VOPP1: variants seen among roughly 807,000 people sequenced by gnomAD.
VOPP1 encodes the protein VOPP1 WW domain binding protein.
In VOPP1, 8 loss-of-function variants were observed where a neutral mutation model predicts 23.5. The observed-to-expected ratio is 0.34, with a 90% CI of 0.20 to 0.61. The LOEUF (loss-of-function observed/expected upper bound fraction) is 0.61. Ranked by LOEUF, VOPP1 falls within the 20% of genes least tolerant of loss-of-function variation. VOPP1 has a pLI of 0.78. For synonymous variants in VOPP1, 83 were observed against 97.3 expected (o/e 0.85, Z 0.86); for missense variants, 174 against 238.1 (o/e 0.73, Z 1.77).
At position 55,517,781 on chromosome 7, in the gene VOPP1, T is replaced by C. The variant is rs540844309; in HGVS notation, c.113+3291A>G. Among the ~76,000 whole-genome samples, 5 of 152,144 alleles carry C rather than the reference T, an allele frequency of 3.3e-5. No homozygotes were observed. In the East Asian group the frequency reaches 7.7e-4, roughly 23 times the overall value. ...GAGCAAGACTGGATGGAGTAGAATATAGCTAAGCAATTTCTACTCATTCCC... is the reference window on the plus strand; with the variant it reads ...GAGCAAGACTGGATGGAGTAGAATACAGCTAAGCAATTTCTACTCATTCCC... On this transcript the variant is annotated intron_variant, in intron 2 of 4. Transcript: ENST00000285279.
intron 2 of VOPP1, among the ~76,000 whole-genome samples, chr7:55,501,919 A>G (rs925690523): frequency 6.6e-6 from 1 of 152,196 alleles, no homozygotes; most frequent in Non-Finnish European, 1.5e-5. Context: ...AACAGCTCTT[A>G]TATCTGTGCT....
In VOPP1 at chr7:55,472,776, C is replaced by T; in HGVS notation, c.*79G>A. On this transcript the variant is annotated 3_prime_UTR_variant, in exon 5 of 5. Transcript: ENST00000285279. ...CCCTTAGCAGCCCACGAGACCGTTC[C>T]TGGAAGTGAACATCAACGAAGACAG... is the stretch of plus-strand genomic sequence containing the variant. 1 of 699,466 alleles carries T rather than the reference C, an allele frequency of 1.4e-6. No homozygotes were observed. Among genetic ancestry groups the T allele is most frequent in the East Asian group, 3.5e-5 (1 of 28,866 alleles). The allele number at this position is 699,466 out of a possible 1,614,324, so 43.3% of individuals were successfully genotyped here.
At chr7:55,473,370 C>T (rs912847444) in intron 4 of VOPP1, among the ~76,000 whole-genome samples, 1 of 152,192 alleles carries the variant, frequency 6.6e-6, no homozygotes, top group African/African-American at 2.4e-5. Context: ...ACCCAGGCTT[C>T]GCGACTCAGC....
chr7:55,485,791 C>T (rs972239106), intron 4 of VOPP1, among the ~76,000 whole-genome samples: 2 of 152,260 alleles, frequency 1.3e-5, no homozygotes, highest in African/African-American at 4.8e-5. Flanking sequence ...GACCTCATTG[C>T]AACAAGGGAC....
chr7:55,543,750 T>C (rs1797242802), intron 1 of VOPP1, among the ~76,000 whole-genome samples: 1 of 152,120 alleles, frequency 6.6e-6, no homozygotes, highest in African/African-American at 2.4e-5. Flanking sequence ...CATTTTTAAA[T>C]CAGATTATTT....
intron 2 of VOPP1, among the ~76,000 whole-genome samples, chr7:55,520,185 AT>A (rs1482650667): frequency 3.9e-5 from 6 of 152,214 alleles, no homozygotes; most frequent in Non-Finnish European, 5.9e-5. Flanking sequence ...GATTAAAAAA[AT>A]AACGCGTTTT....
chr7:55,525,155 C>T (rs1796095175), intron 1 of VOPP1, among the ~76,000 whole-genome samples: 1 of 152,136 alleles, frequency 6.6e-6, no homozygotes, highest in Non-Finnish European at 1.5e-5. Context: ...CTGCCAGCCA[C>T]ACCGCCAGCC....
chr7:55,550,335 C>A (rs1163284065), intron 1 of VOPP1, among the ~76,000 whole-genome samples: 1 of 152,148 alleles, frequency 6.6e-6, no homozygotes, highest in Non-Finnish European at 1.5e-5. Context: ...TAAATAAGGG[C>A]GAAGATCCAA....
rs1019974524 is a variant in VOPP1 at position 55,521,558 on chromosome 7, G to A, written c.55-428C>T. ...TCTAGAGCTGTATATTTCAGAATAT[G>A]CTAAAGCCGCATTCCGACCTACGTC... On this transcript the variant is annotated intron_variant, in intron 1 of 4. Coordinates refer to ENST00000285279, the MANE Select transcript of VOPP1 (RefSeq NM_030796.5). 5 of 992,848 alleles carry A rather than the reference G, an allele frequency of 5.0e-6. No individual in the cohort carries two copies. In the African/African-American group the frequency reaches 8.7e-5, roughly 17 times the overall value. 61.5% of individuals were successfully genotyped at this position (992,848 alleles called of 1,614,324 possible).
At chr7:55,441,524 T>C (rs890793911) in intron 4 of VOPP1, among the ~76,000 whole-genome samples, 1 of 152,194 alleles carries the variant, frequency 6.6e-6, no homozygotes, top group Non-Finnish European at 1.5e-5. Context: ...AATACTGCCT[T>C]ATGGGGTTAT....
chr7:55,526,988 T>C (rs1796229755), intron 1 of VOPP1: 1 of 152,066 alleles, frequency 6.6e-6, no homozygotes, highest in Non-Finnish European at 1.5e-5. Context: ...CCAATTAGAG[T>C]GGGCTCGTTA....
In VOPP1 at chr7:55,442,899, G is replaced by A. The variant is rs547641545; in HGVS notation, n.418-6725C>T. Among the ~76,000 whole-genome samples the A allele has an allele frequency of 4.6e-5, 7 of 151,570 alleles. No homozygotes were observed. In the South Asian group the frequency reaches 1.0e-3, roughly 23 times the overall value. On this transcript the variant is annotated intron_variant and non_coding_transcript_variant, in intron 4 of 4. Transcript: ENST00000462326. Reference sequence around the variant, plus strand: ...TGGGAGGCTGAGGCAGGTGGATCACGAGGTCAGGAGATCGAGACCATCCTG... The same window carrying A: ...TGGGAGGCTGAGGCAGGTGGATCACAAGGTCAGGAGATCGAGACCATCCTG...
chr7:55,489,379 G>A (rs759848812), intron 4 of VOPP1, among the ~76,000 whole-genome samples: 1 of 152,232 alleles, frequency 6.6e-6, no homozygotes, highest in Non-Finnish European at 1.5e-5. Flanking sequence ...TCGCTGTAGA[G>A]AGCTGGGGGC....
intron 1 of VOPP1, among the ~76,000 whole-genome samples, chr7:55,522,716 C>T (rs1795944412): frequency 6.6e-6 from 1 of 152,206 alleles, no homozygotes; most frequent in Admixed American, 6.5e-5. Context: ...CTGCCTGGGG[C>T]CTGGCTGCTC....
At chr7:55,452,385 T>C (rs1322440473) in intron 4 of VOPP1, among the ~76,000 whole-genome samples, 1 of 152,204 alleles carries the variant, frequency 6.6e-6, no homozygotes, top group Non-Finnish European at 1.5e-5. Context: ...AAGTCATCCA[T>C]AAGGTTGGAA....
At chr7:55,436,310 A>G (rs2128997924) in intron 4 of VOPP1, 1 of 152,328 alleles carries the variant, frequency 6.6e-6, no homozygotes, top group South Asian at 2.1e-4. Context: ...AACTTGGTCA[A>G]GTTATTTCTT....
intron 2 of VOPP1, among the ~76,000 whole-genome samples, chr7:55,503,227 C>T (rs115234006): frequency 0.015 from 2,269 of 152,202 alleles, 64 homozygotes; most frequent in African/African-American, 0.051. Flanking sequence ...CCCTGGGATT[C>T]GTCATGTAAA....
At chr7:55,479,052 G>A (rs1050809253) in intron 4 of VOPP1, among the ~76,000 whole-genome samples, 5 of 152,044 alleles carry the variant, frequency 3.3e-5, no homozygotes, top group African/African-American at 9.7e-5. Context: ...ACTTTCTATC[G>A]TAAGAGACAA....
At position 55,492,279 on chromosome 7, in the gene VOPP1, G is replaced by A. The variant is rs752369529; in HGVS notation, c.328+3C>T. ...AGGAGAGACAAGGACAGGGCTGGCT[G>A]ACCTGGGCCGGGATTTGGGGGCTGC... On this transcript the variant is annotated splice_donor_region_variant and intron_variant, in intron 4 of 4. Coordinates refer to ENST00000285279, the MANE Select transcript of VOPP1 (RefSeq NM_030796.5). 25 of 1,608,872 alleles carry A rather than the reference G, an allele frequency of 1.6e-5. No homozygotes were observed. Among genetic ancestry groups the A allele is most frequent in the Admixed American group, 5.0e-5 (3 of 59,710 alleles).
Sources: allele counts gnomAD v4.1 joint callset (sites outside exome capture counted in the v4.1 genomes callset), GRCh38; gene constraint gnomAD v4.1.1; transcripts MANE v1.5; gene names NCBI Gene and HGNC (gene_info 2026-07-23, HGNC 2026-07-21).